Variants in GREB1 observed in about 807,000 individuals in gnomAD.
GREB1 encodes the protein growth regulating estrogen receptor binding 1.
Under a neutral mutation model 200.7 loss-of-function variants are expected in GREB1, and 106 were observed. The ratio of observed to expected loss-of-function variants is 0.53; its 90% confidence interval spans 0.45 to 0.62. The LOEUF (loss-of-function observed/expected upper bound fraction) is 0.62, where lower values mean the gene tolerates loss of function less well. Ranked by LOEUF, GREB1 falls within the 20% of genes least tolerant of loss-of-function variation. GREB1 has a pLI of 0.00. For synonymous variants in GREB1, 1,132 were observed against 1,092.4 expected (o/e 1.04, Z -0.72); for missense variants, 2,243 against 2,556.8 (o/e 0.88, Z 2.65).
intron 1 of GREB1, among the ~76,000 whole-genome samples, chr2:11,494,875 A>G (rs1282088562): frequency 6.6e-6 from 1 of 152,120 alleles, no homozygotes; most frequent in East Asian, 1.9e-4. Flanking sequence ...AGAGCCCCCA[A>G]CTTGTTATGA....
intron 10 of GREB1, among the ~76,000 whole-genome samples, chr2:11,589,920 G>A (rs868108488): frequency 6.6e-5 from 10 of 152,272 alleles, no homozygotes; most frequent in African/African-American, 1.7e-4. Context: ...CAGTCAAGTC[G>A]CCTGTGTTCA....
intron 9 of GREB1, chr2:11,587,694 A>AAC (rs377181735): frequency 0.011 from 8,025 of 704,148 alleles, 101 homozygotes; most frequent in Admixed American, 0.06. Flanking sequence ...AGTACAAGAT[A>AAC]ACACACACAC....
intron 1 of GREB1, among the ~76,000 whole-genome samples, chr2:11,534,464 A>G (rs1674199189): frequency 6.6e-6 from 1 of 152,228 alleles, no homozygotes. Context: ...CAAGCGTTAT[A>G]GCTGAACTGA....
intron 18 of GREB1, among the ~76,000 whole-genome samples, chr2:11,611,981 G>A (rs1682974734): frequency 6.6e-6 from 1 of 152,110 alleles, no homozygotes; most frequent in Non-Finnish European, 1.5e-5. Flanking sequence ...ATCACTTGAG[G>A]TCAGGAGTTC....
chr2:11,631,663 G>T (rs1335876326), intron 26 of GREB1, among the ~76,000 whole-genome samples: 1 of 152,140 alleles, frequency 6.6e-6, no homozygotes, highest in Non-Finnish European at 1.5e-5. Flanking sequence ...GGCTAGCCCG[G>T]GCTTGTGCAT....
intron 4 of GREB1, among the ~76,000 whole-genome samples, chr2:11,573,309 G>A (rs1034157116): frequency 1.3e-5 from 2 of 152,200 alleles, no homozygotes; most frequent in South Asian, 2.1e-4. Flanking sequence ...GTGGCTGTGC[G>A]TGGTGACAAG....
chr2:11,571,532 C>T lies in GREB1; in HGVS notation c.455-4821C>T, dbSNP rs62118298. 5.0e-3 allele frequency among the ~76,000 whole-genome samples: 757 copies of T among 152,262 alleles called. 2 individuals are homozygous for T. The highest frequency in any genetic ancestry group is 8.8e-3 in the Non-Finnish European group (596 of 68,022). ...CTGACTGCGGTTTTGAGGATAACTC[C>T]GCTCTTTATATGATGATCTTTATAA... is the stretch of plus-strand genomic sequence containing the variant. On this transcript the variant is annotated intron_variant, in intron 4 of 32. Coordinates refer to ENST00000381486, the MANE Select transcript of GREB1 (RefSeq NM_014668.4).
intron 1 of GREB1, among the ~76,000 whole-genome samples, chr2:11,552,918 G>A (rs1417276474): frequency 1.3e-5 from 2 of 149,726 alleles, no homozygotes; most frequent in Admixed American, 6.7e-5. Flanking sequence ...GCTGAGGCAG[G>A]AGAATGGCGT....
At chr2:11,616,113 T>A (rs1558639727) in intron 20 of GREB1, among the ~76,000 whole-genome samples, 1 of 152,364 alleles carries the variant, frequency 6.6e-6, no homozygotes, top group East Asian at 1.9e-4. Context: ...AGGACCCCCT[T>A]CTTTAGTTTC....
chr2:11,587,992 G>A lies in GREB1; in HGVS notation c.1160-754G>A, dbSNP rs140736975. 2.2e-5 allele frequency: 20 copies of A among 927,464 alleles called. No individual in the cohort carries two copies. In the African/African-American group the frequency reaches 2.3e-4, roughly 11 times the overall value. 57.5% of individuals were successfully genotyped at this position (927,464 alleles called of 1,614,324 possible). A position where few individuals can be genotyped will look rare whatever the true frequency, so the allele number is the denominator to read the frequency against. On this transcript the variant is annotated intron_variant, in intron 9 of 32. Transcript: ENST00000381486. Reference sequence around the variant, plus strand: ...TGTAATCCCAGAACTTTGAGAGGCCGAGGCGGGTAGATCACTTTAGGTCAG... The same window carrying A: ...TGTAATCCCAGAACTTTGAGAGGCCAAGGCGGGTAGATCACTTTAGGTCAG...
At chr2:11,516,075 T>C (rs980469640) in intron 1 of GREB1, among the ~76,000 whole-genome samples, 2 of 150,020 alleles carry the variant, frequency 1.3e-5, no homozygotes, top group Non-Finnish European at 3.0e-5. Context: ...TGGCGGGACA[T>C]GGTGGATGTC....
intron 1 of GREB1, among the ~76,000 whole-genome samples, chr2:11,526,066 A>G (rs1363130051): frequency 6.6e-6 from 1 of 152,166 alleles, no homozygotes; most frequent in Non-Finnish European, 1.5e-5. Context: ...TCTTTTATCA[A>G]TGCTAACTTA....
At chr2:11,587,790 C>T (rs571222832) in intron 9 of GREB1, 14 of 1,098,434 alleles carry the variant, frequency 1.3e-5, no homozygotes, top group South Asian at 7.3e-5. Flanking sequence ...ATAGCTTCAC[C>T]GCTTCACCTG....
chr2:11,559,524 C>T (rs532005151), intron 2 of GREB1, among the ~76,000 whole-genome samples: 78 of 152,302 alleles, frequency 5.1e-4, no homozygotes, highest in Non-Finnish European at 9.6e-4. Context: ...CAGGCATTCC[C>T]GGGTGTGCCC....
intron 21 of GREB1, among the ~76,000 whole-genome samples, chr2:11,617,138 G>A (rs933579746): frequency 3.3e-5 from 5 of 152,246 alleles, no homozygotes; most frequent in Non-Finnish European, 5.9e-5. Flanking sequence ...TGGGGGAAGA[G>A]CAACAAAAGG....
intron 4 of GREB1, 50 bp downstream of exon 4, chr2:11,566,706 C>T: frequency 1.3e-6 from 2 of 1,539,762 alleles, no homozygotes; most frequent in African/African-American, 1.4e-5. Flanking sequence ...TGGGGTAGAG[C>T]AGGGTCAAGG....
chr2:11,585,103 A>C, intron 7 of GREB1, 58 bp from the exon 8 acceptor site: 1 of 907,262 alleles, frequency 1.1e-6, no homozygotes, highest in Non-Finnish European at 1.6e-6. Context: ...ACCAAGGGTA[A>C]ATTTTATTGG....
At chr2:11,550,976 A>C (rs1258872994) in intron 1 of GREB1, among the ~76,000 whole-genome samples, 1 of 152,028 alleles carries the variant, frequency 6.6e-6, no homozygotes. Context: ...TTGAACTTCA[A>C]CTCAACCTAA....
In GREB1 at chr2:11,625,221, C is replaced by G; in HGVS notation, c.4215C>G (p.Phe1405Leu). 1.2e-6 allele frequency: 2 copies of G among 1,613,984 alleles called. No homozygotes were observed. ...ACCCCTGGCCAGACCTGGAGCTGTT[C>G]AAGAAGTTGCCCTTTGACTACATCA... ...LSDPWPDLEL[F>L]KKLPFDYIIH... is the part of the protein sequence containing the mutation. The change falls in exon 24 of 33, where the codon TTC becomes TTG. Residue 1405 changes from phenylalanine to leucine, a missense_variant. Phe to Leu is a conservative substitution (Grantham distance 22). Coordinates refer to ENST00000381486, the MANE Select transcript of GREB1 (RefSeq NM_014668.4).
Sources: gnomAD v4.1 joint callset for allele counts (sites outside exome capture counted in the v4.1 genomes callset) on GRCh38, gnomAD v4.1.1 for gene constraint, MANE v1.5 for transcripts, NCBI Gene and HGNC (gene_info 2026-07-23, HGNC 2026-07-21) for gene names.